The following LPIN1 variants were observed in gnomAD, a reference collection of about 807,000 sequenced individuals.
LPIN1 encodes phosphatidate phosphatase LPIN1.
A neutral mutation model predicts 107.5 loss-of-function variants in LPIN1; 71 were observed. That is an observed-to-expected ratio of 0.66 (90% CI 0.55 to 0.80). The LOEUF is 0.80. Ranked by LOEUF, LPIN1 falls within the 30% of genes least tolerant of loss-of-function variation. The pLI is 0.00. For missense variants in LPIN1, 1,043 were observed against 1,160.6 expected (o/e 0.90, Z 1.47); for synonymous variants, 445 against 452.6 (o/e 0.98, Z 0.21).
chr2:11,727,489 CT>C (rs1664780547), intron 1 of LPIN1, among the ~76,000 whole-genome samples: 1 of 152,120 alleles, frequency 6.6e-6, no homozygotes. Context: ...TCCAGTGACC[CT>C]TTTTATTGGA....
intron 3 of LPIN1, among the ~76,000 whole-genome samples, chr2:11,768,914 T>C (rs1429333004): frequency 6.6e-6 from 1 of 152,082 alleles, no homozygotes; most frequent in Non-Finnish European, 1.5e-5. Context: ...CCAGCCTGGG[T>C]GTCAGAGCGA....
At position 11,771,263 on chromosome 2, in the gene LPIN1, C is replaced by A. The variant is rs1447640792; in HGVS notation, c.289-109C>A. The A allele has an allele frequency of 9.2e-7, 1 of 1,091,572 alleles. No homozygotes were observed. Among genetic ancestry groups the A allele is most frequent in the Non-Finnish European group, 1.4e-6 (1 of 721,046 alleles). The allele number at this position is 1,091,572 out of a possible 1,614,324, so 67.6% of individuals were successfully genotyped here. ...AGCTGGGCCATCTGCTGTGGCCCTC[C>A]CCAGGAGGTGCTTGGCCTCTGAAGT... On this transcript the variant is annotated intron_variant, in intron 3 of 20. Coordinates refer to ENST00000674199, the MANE Select transcript of LPIN1 (RefSeq NM_001349206.2). This position sits in a 1 kb window ranked among gnomAD's most constrained non-coding sequence, Gnocchi z 4.8.
chr2:11,717,049 T>C, intron 2 of LPIN1, among the ~76,000 whole-genome samples: 1 of 152,210 alleles, frequency 6.6e-6, no homozygotes, highest in East Asian at 1.9e-4. Flanking sequence ...ACCTAAATTT[T>C]AGTTTTCTTG....
chr2:11,772,150 CAGG>C (rs1386740507), intron 4 of LPIN1, among the ~76,000 whole-genome samples: 1 of 152,124 alleles, frequency 6.6e-6, no homozygotes. Context: ...ACTCATCTGG[CAGG>C]AGGAGGAGCT....
upstream of LPIN1, chr2:11,721,563 T>G (rs1356653962): frequency 2.0e-5 from 3 of 152,224 alleles, no homozygotes; most frequent in Non-Finnish European, 2.9e-5. Flanking sequence ...TGTGGGATTT[T>G]TTTTTAACTG....
intron 8 of LPIN1, 40 bp from the exon 9 acceptor site, chr2:11,783,789 A>G (rs767528209): frequency 1.3e-6 from 2 of 1,524,336 alleles, no homozygotes; most frequent in African/African-American, 1.4e-5. Flanking sequence ...GCTCATTTCT[A>G]GAAGAGTGGT....
At position 11,819,421 on chromosome 2, in the gene LPIN1, A is replaced by G. The variant is rs1010462316; in HGVS notation, c.2403-63A>G. The G allele has an allele frequency of 9.1e-6, 10 of 1,095,136 alleles. No individual in the cohort carries two copies. In the African/African-American group the frequency reaches 1.5e-4, roughly 17 times the overall value. The allele number at this position is 1,095,136 out of a possible 1,614,324, so 67.8% of individuals were successfully genotyped here. On this transcript the variant is annotated intron_variant, in intron 18 of 20. Transcript: ENST00000674199. ...TGTTGCGGCAGCTTTGTCAGCTAAA[A>G]ACAGTTTGATGCTAAAGGAAGCTTA...
chr2:11,788,317 T>C, intron 11 of LPIN1, 70 bp from the exon 12 acceptor site: 1 of 1,218,514 alleles, frequency 8.2e-7, no homozygotes, highest in Non-Finnish European at 1.2e-6. Flanking sequence ...TTGACTACTT[T>C]ATATGACATT....
At chr2:11,746,739 G>GGGCGC in intron 1 of LPIN1, 68 bp downstream of exon 1, 1 of 844,112 alleles carries the variant, frequency 1.2e-6, no homozygotes, top group Non-Finnish European at 1.4e-6. Flanking sequence ...AGGCGGGGCG[G>GGGCGC]GGCGCGGCGC....
chr2:11,746,981 C>T (rs1315473873), intron 1 of LPIN1, among the ~76,000 whole-genome samples: 1 of 152,236 alleles, frequency 6.6e-6, no homozygotes, highest in East Asian at 1.9e-4. Context: ...GCGTAGGGGC[C>T]ACTGGGGGCT....
At chr2:11,711,887 G>T (rs985272981) in intron 1 of LPIN1, among the ~76,000 whole-genome samples, 1 of 152,336 alleles carries the variant, frequency 6.6e-6, no homozygotes, top group African/African-American at 2.4e-5. Context: ...CACAGTGACT[G>T]CTCTCACACT....
intron 1 of LPIN1, among the ~76,000 whole-genome samples, chr2:11,704,372 T>C (rs1410571779): frequency 6.6e-6 from 1 of 152,152 alleles, no homozygotes; most frequent in Non-Finnish European, 1.5e-5. Flanking sequence ...CCTGAAATAG[T>C]GGCAACTGTG....
chr2:11,695,330 G>A (rs1572332386), intron 1 of LPIN1, among the ~76,000 whole-genome samples: 1 of 152,192 alleles, frequency 6.6e-6, no homozygotes, highest in Non-Finnish European at 1.5e-5. Context: ...ACAGGGAAGG[G>A]CCAACCATGG....
In LPIN1 at chr2:11,797,965, C is replaced by A. The variant is rs2577263; in HGVS notation, c.1886+2478C>A. Among the ~76,000 whole-genome samples, 581 of 152,198 alleles carry A rather than the reference C, an allele frequency of 3.8e-3. 4 individuals carry two copies. Among genetic ancestry groups the A allele is most frequent in the African/African-American group, 0.013 (539 of 41,520 alleles). On this transcript the variant is annotated intron_variant, in intron 14 of 20. Coordinates refer to ENST00000674199, the MANE Select transcript of LPIN1 (RefSeq NM_001349206.2). ...TAATCCCCAGGTGTCAAGGGTGGGACCAGTTGGAGGGAATTGCATCATGGG... is the reference window on the plus strand; with the variant it reads ...TAATCCCCAGGTGTCAAGGGTGGGAACAGTTGGAGGGAATTGCATCATGGG...
chr2:11,792,267 A>G (rs1194886216), intron 13 of LPIN1: 2 of 391,656 alleles, frequency 5.1e-6, no homozygotes, highest in Non-Finnish European at 9.5e-6. Flanking sequence ...CCCTCATGGT[A>G]AGATTTCGTC....
rs75864888 is a variant in LPIN1 at position 11,747,395 on chromosome 2, C to T, written c.-10+724C>T. The stretch of plus-strand genomic sequence containing the variant: ...TAACGTTTTGGGAGTAACTTAAGTG[C>T]TGTGGAGCTAGAGTAGGTAATTTGT... On this transcript the variant is annotated intron_variant, in intron 1 of 20. Coordinates refer to ENST00000674199, the MANE Select transcript of LPIN1 (RefSeq NM_001349206.2). Among the ~76,000 whole-genome samples the T allele has an allele frequency of 6.2e-3, 950 of 152,298 alleles. 7 individuals are homozygous for T. The highest frequency in any genetic ancestry group is 0.021 in the African/African-American group (890 of 41,542).
intron 1 of LPIN1, among the ~76,000 whole-genome samples, chr2:11,705,536 T>C (rs1663082524): frequency 6.6e-6 from 1 of 152,022 alleles, no homozygotes; most frequent in Non-Finnish European, 1.5e-5. Flanking sequence ...ACAGCCCCTA[T>C]GAGGAAGGGA....
chr2:11,767,476 ATT>A (rs1671103811), intron 2 of LPIN1: 1 of 394,518 alleles, frequency 2.5e-6, no homozygotes, highest in South Asian at 2.7e-5. Context: ...TTTTGCCATT[ATT>A]TTTAATAATT....
At chr2:11,768,005 T>C (rs1671212332) in intron 3 of LPIN1, 147 bp downstream of exon 3, 2 of 702,482 alleles carry the variant, frequency 2.8e-6, no homozygotes, top group African/African-American at 1.8e-5. Context: ...TTGATCTGTG[T>C]GGGGGATTTG....
Sources: allele counts gnomAD v4.1 joint callset (sites outside exome capture counted in the v4.1 genomes callset), GRCh38; gene constraint gnomAD v4.1.1; non-coding constraint Gnocchi (gnomAD v3.1); transcripts MANE v1.5; gene names NCBI Gene and HGNC (gene_info 2026-07-23, HGNC 2026-07-21).